ORC6: variants seen among roughly 807,000 people sequenced by gnomAD.
ORC6 encodes origin recognition complex, subunit 6 homolog-like (yeast).
ORC6 carries 31 observed loss-of-function variants against 30.0 expected under a neutral mutation model. The observed-to-expected ratio is 1.03, with a 90% CI of 0.78 to 1.40. ORC6 has a LOEUF of 1.40. Among genes scored for constraint, ORC6 ranks in the 40% most tolerant of loss-of-function variants. The pLI is 0.00. For missense variants in ORC6, 340 were observed against 304.3 expected, an observed-to-expected ratio of 1.12 and a Z score of -0.87; for synonymous variants, 136 against 111.2, an observed-to-expected ratio of 1.22 and a Z score of -1.40.
At chr16:46,693,806 C>CTTTTTTT (rs1194005655) in intron 4 of ORC6, 1 of 46,082 alleles carries the variant, frequency 2.2e-5, no homozygotes, top group African/African-American at 9.1e-5. Flanking sequence ...AACACTGTCT[C>CTTTTTTT]TTTTTTTTTT....
At chr16:46,691,932 G>GCACACACACACACACACACACACA (rs34549741) in intron 2 of ORC6, among the ~76,000 whole-genome samples, 5 of 59,242 alleles carry the variant, frequency 8.4e-5, no homozygotes, top group Non-Finnish European at 1.6e-4. Flanking sequence ...TTTCTCTCCT[G>GCACACACACACACACACACACACA]CACACACACA....
At chr16:46,694,584 G>T (rs1489213713) in intron 4 of ORC6, 1 of 145,146 alleles carries the variant, frequency 6.9e-6, no homozygotes, top group Non-Finnish European at 1.5e-5. Context: ...TGGCCGGGCA[G>T]AGGGGCTCCT....
At chr16:46,691,229 G>T (rs373813142) in intron 2 of ORC6, 109 bp downstream of exon 2, 2 of 1,022,252 alleles carry the variant, frequency 2.0e-6, no homozygotes, top group Non-Finnish European at 3.0e-6. Flanking sequence ...AATTGTCCTG[G>T]GTATTCTTGT....
intron 1 of ORC6, 45 bp from the exon 2 acceptor site, chr16:46,690,946 A>T: frequency 6.2e-7 from 1 of 1,611,664 alleles, no homozygotes; most frequent in East Asian, 2.2e-5. Flanking sequence ...CGTGTTGAGC[A>T]AACTTCTGAA....
In ORC6 at chr16:46,693,152, T is replaced by A. The variant is rs1966468611; in HGVS notation, c.419T>A (p.Phe140Tyr). Residue 140 changes from phenylalanine (F) to tyrosine (Y), a missense_variant, in exon 4 of 7, where the codon TTC becomes TAC. By Grantham distance (22) the Phe-to-Tyr change is conservative. Coordinates refer to ENST00000219097, the MANE Select transcript of ORC6 (RefSeq NM_014321.4). ...QVDLDLSRPL[F>Y]TSAALLSACK... ...GATCTTGACTTATCCAGGCCACTTT[T>A]CACTTCTGCTGCACTGCTTTCAGCA... is the stretch of plus-strand genomic sequence containing the variant. The A allele has an allele frequency of 3.7e-6, 6 of 1,613,056 alleles. No homozygotes were observed. The highest frequency in any genetic ancestry group is 1.3e-5 in the African/African-American group (1 of 75,052).
At chr16:46,692,766 G>A (rs1966460939) in intron 3 of ORC6, among the ~76,000 whole-genome samples, 1 of 152,192 alleles carries the variant, frequency 6.6e-6, no homozygotes. Flanking sequence ...TACTCGGGAG[G>A]CTGTGGCAGG....
At chr16:46,690,626 G>T (rs913326035) in intron 1 of ORC6, among the ~76,000 whole-genome samples, 1 of 152,150 alleles carries the variant, frequency 6.6e-6, no homozygotes, top group South Asian at 2.1e-4. Context: ...GGTGATTTTC[G>T]CCTACCATCA....
chr16:46,691,124 A>G lies in ORC6; in HGVS notation c.195+4A>G. 6.2e-7 allele frequency: 1 copy of G among 1,614,084 alleles called. No individual in the cohort carries two copies. On this transcript the variant is annotated splice_donor_region_variant and intron_variant, in intron 2 of 6. Coordinates refer to ENST00000219097, the MANE Select transcript of ORC6 (RefSeq NM_014321.4). Reference sequence around the variant, plus strand: ...GATGAAGTGCCCCTTGGACAGGGTAAGTAGGTCCCACCGAATGTCTGAATA... The same window carrying G: ...GATGAAGTGCCCCTTGGACAGGGTAGGTAGGTCCCACCGAATGTCTGAATA...
Position 46,690,289 on chromosome 16 carries a change from A to ATATG in ORC6, c.65+520_65+523dup, listed in dbSNP as rs1966419614. 2.0e-5 allele frequency among the ~76,000 whole-genome samples: 3 copies of ATATG among 152,218 alleles called. No homozygotes were observed. The South Asian group carries it at 6.2e-4, about 31-fold the overall frequency. On this transcript the variant is annotated intron_variant, in intron 1 of 6. Coordinates refer to ENST00000219097, the MANE Select transcript of ORC6 (RefSeq NM_014321.4). ...GATGGCAGATGCTAGGCGAGGAAAG[A>ATATG]TATGGCAAGAGCAGCCCAGGCAGGG... is the stretch of plus-strand genomic sequence containing the variant.
At chr16:46,690,170 G>C (rs1025389894) in intron 1 of ORC6, among the ~76,000 whole-genome samples, 2 of 152,216 alleles carry the variant, frequency 1.3e-5, no homozygotes, top group Admixed American at 6.5e-5. Context: ...TGAGCCACTG[G>C]GCTTGGGGTG....
chr16:46,690,974 A>C lies in ORC6; in HGVS notation c.66-17A>C. The stretch of plus-strand genomic sequence containing the variant: ...CTTCTGAATAAGTTGTAGCGAACAC[A>C]CTGCCCTTTTAACCAGGAAAGCAGA... On this transcript the variant is annotated splice_polypyrimidine_tract_variant and intron_variant, in intron 1 of 6. Transcript: ENST00000219097. The C allele has an allele frequency of 6.2e-7, 1 of 1,614,132 alleles. No homozygotes were observed. Among genetic ancestry groups the C allele is most frequent in the Non-Finnish European group, 8.5e-7 (1 of 1,179,974 alleles).
At chr16:46,696,480 C>G (rs1045442091) in intron 6 of ORC6, among the ~76,000 whole-genome samples, 3 of 152,184 alleles carry the variant, frequency 2.0e-5, no homozygotes, top group Non-Finnish European at 4.4e-5. Context: ...TTATTTTTGT[C>G]TTTCGGAGGT....
At position 46,696,741 on chromosome 16, in the gene ORC6, C is replaced by T. The variant is rs968804639; in HGVS notation, c.631+656C>T. Among the ~76,000 whole-genome samples the T allele has an allele frequency of 2.6e-5, 4 of 152,142 alleles. No homozygotes were observed. The East Asian group carries it at 5.8e-4, about 22-fold the overall frequency. The stretch of plus-strand genomic sequence containing the variant: ...CACGGTCTCGGCTCACTGCAGCCTC[C>T]GCCTCCTGAGCTCAAACCATCCTCC... On this transcript the variant is annotated intron_variant, in intron 6 of 6. Coordinates refer to ENST00000219097, the MANE Select transcript of ORC6 (RefSeq NM_014321.4).
At position 46,689,740 on chromosome 16, in the gene ORC6, G is replaced by T. The variant is rs1966403504; in HGVS notation, c.35G>T (p.Arg12Leu). 5 of 1,601,898 alleles carry T rather than the reference G, an allele frequency of 3.1e-6. No individual in the cohort carries two copies. Among genetic ancestry groups the T allele is most frequent in the South Asian group, 1.1e-5 (1 of 89,364 alleles). The change falls in exon 1 of 7, where the codon CGC (arginine) becomes CTC (leucine). Residue 12 changes from arginine (R) to leucine (L), a missense_variant. Coordinates refer to ENST00000219097, the MANE Select transcript of ORC6 (RefSeq NM_014321.4). ...GAGCTGATCGGGCGCCTAGCCCCGC[G>T]CCTGGGCCTCGCCGAGCCCGACATG... The part of the protein sequence containing the change: ...GSELIGRLAP[R>L]LGLAEPDMLR...
At chr16:46,691,447 G>T (rs1966436158) in intron 2 of ORC6, among the ~76,000 whole-genome samples, 1 of 152,176 alleles carries the variant, frequency 6.6e-6, no homozygotes, top group African/African-American at 2.4e-5. Flanking sequence ...GAGAGAACAA[G>T]CTTTGGGGTC....
In ORC6 at chr16:46,696,038, C is replaced by T; in HGVS notation, c.584C>T (p.Thr195Ile). 1 of 1,613,376 alleles carries T rather than the reference C, an allele frequency of 6.2e-7. No individual in the cohort carries two copies. Among genetic ancestry groups the T allele is most frequent in the Non-Finnish European group, 8.5e-7 (1 of 1,179,258 alleles). The change falls in exon 6 of 7, where the codon ACT becomes ATT. Residue 195 changes from threonine (T) to isoleucine (I), a missense_variant. Transcript: ENST00000219097. ...AAAGGAGAACCTGGAGATGTAGCTA[C>T]TCCACCACGGAAGAGAAAGAAGATA... ...QVDREPGDVA[T>I]PPRKRKKIVV...
chr16:46,689,737 C>T lies in ORC6; in HGVS notation c.32C>T (p.Pro11Leu), dbSNP rs757562073. Reference protein sequence around the residue: MGSELIGRLAPRLGLAEPDML... With the variant: MGSELIGRLALRLGLAEPDML... The stretch of plus-strand genomic sequence containing the variant: ...TCGGAGCTGATCGGGCGCCTAGCCC[C>T]GCGCCTGGGCCTCGCCGAGCCCGAC... The change falls in exon 1 of 7, where the codon CCG becomes CTG. Residue 11 changes from proline (P) to leucine (L), a missense_variant. By Grantham distance (98) the Pro-to-Leu change is moderately conservative. Transcript: ENST00000219097. The T allele has an allele frequency of 2.5e-5, 40 of 1,602,052 alleles. No individual in the cohort carries two copies. Among genetic ancestry groups the T allele is most frequent in the Non-Finnish European group, 3.4e-5 (40 of 1,174,686 alleles).
intron 2 of ORC6, among the ~76,000 whole-genome samples, chr16:46,691,546 A>G (rs910123370): frequency 3.3e-5 from 5 of 152,220 alleles, no homozygotes; most frequent in African/African-American, 1.2e-4. Flanking sequence ...GTGAAGATAA[A>G]ATATCCAATT....
intron 4 of ORC6, chr16:46,693,438 CTT>C: frequency 1.8e-6 from 1 of 543,974 alleles, no homozygotes; most frequent in Non-Finnish European, 3.3e-6. Context: ...TTCAGTCTGC[CTT>C]TTGTAAGAGA....
Sources: gnomAD v4.1 joint callset for allele counts (sites outside exome capture counted in the v4.1 genomes callset) on GRCh38, gnomAD v4.1.1 for gene constraint, MANE v1.5 for transcripts, NCBI Gene and HGNC (gene_info 2026-07-23, HGNC 2026-07-21) for gene names.